Variants in ARHGAP40 observed in about 807,000 individuals in gnomAD.
ARHGAP40 encodes the protein rho GTPase-activating protein 40.
ARHGAP40 carries 43 observed loss-of-function variants against 73.5 expected under a neutral mutation model. The observed-to-expected ratio is 0.58, with a 90% CI of 0.46 to 0.75. ARHGAP40 has a LOEUF of 0.75. Ranked by LOEUF, ARHGAP40 falls within the 30% of genes least tolerant of loss-of-function variation. The pLI is 0.00. For missense variants in ARHGAP40, 734 were observed against 861.8 expected, an observed-to-expected ratio of 0.85 and a Z score of 1.86; for synonymous variants, 300 against 352.8, an observed-to-expected ratio of 0.85 and a Z score of 1.68.
At chr20:38,602,819 A>G (rs998907490) in intron 1 of ARHGAP40, among the ~76,000 whole-genome samples, 1 of 152,216 alleles carries the variant, frequency 6.6e-6, no homozygotes, top group Non-Finnish European at 1.5e-5. Context: ...ACATATTTAC[A>G]TGTCAGTAAC....
chr20:38,636,303 C>CCAG (rs2088975026), intron 6 of ARHGAP40, among the ~76,000 whole-genome samples: 1 of 150,784 alleles, frequency 6.6e-6, no homozygotes, highest in South Asian at 2.1e-4. Flanking sequence ...TCTCTCTTGC[C>CCAG]CAGGCTGGAG....
chr20:38,603,379 A>T (rs545950043), intron 1 of ARHGAP40, among the ~76,000 whole-genome samples: 2 of 152,330 alleles, frequency 1.3e-5, no homozygotes, highest in African/African-American at 4.8e-5. Context: ...AATCAATTTT[A>T]AGAAGCCAAA....
intron 2 of ARHGAP40, among the ~76,000 whole-genome samples, chr20:38,626,768 A>G (rs946729628): frequency 6.6e-6 from 1 of 152,162 alleles, no homozygotes; most frequent in Non-Finnish European, 1.5e-5. Context: ...GTTGACATCC[A>G]TACACTGGCT....
At position 38,646,064 on chromosome 20, in the gene ARHGAP40, C is replaced by T; in HGVS notation, c.1587C>T (p.Val529=). The T allele has an allele frequency of 1.5e-6, 2 of 1,303,878 alleles. No individual in the cohort carries two copies. The highest frequency in any genetic ancestry group is 1.0e-6 in the Non-Finnish European group (1 of 988,618). The allele number at this position is 1,303,878 out of a possible 1,614,324, so 80.8% of individuals were successfully genotyped here. ...CTGGCCAGGTCGCCTCTTTCCTGGT[C>T]GCCCAGGTGCGAAAACTGAACGACA... is the stretch of plus-strand genomic sequence containing the variant. Residue 529 remains valine (V), a synonymous_variant, in exon 12 of 15, where the codon GTC becomes GTT. Transcript: ENST00000373345. The surrounding 1 kb of genome is among the most constrained non-coding windows in gnomAD (Gnocchi z 4.5).
Position 38,602,091 on chromosome 20 carries a change from A to G in ARHGAP40, c.137+12A>G. On this transcript the variant is annotated intron_variant, in intron 1 of 14. Coordinates refer to ENST00000373345, the Ensembl canonical transcript of ARHGAP40. Reference sequence around the variant, plus strand: ...GACCTGGGCTGCAGGTACAGGGGTCACGGGAGCGGGAGGGAAGTTGGCCCT... The same window carrying G: ...GACCTGGGCTGCAGGTACAGGGGTCGCGGGAGCGGGAGGGAAGTTGGCCCT... 7.9e-7 allele frequency: 1 copy of G among 1,273,788 alleles called. No homozygotes were observed. The highest frequency in any genetic ancestry group is 1.0e-6 in the Non-Finnish European group (1 of 979,598). The allele number at this position is 1,273,788 out of a possible 1,614,324, so 78.9% of individuals were successfully genotyped here.
At chr20:38,624,252 A>G (rs1425962281) in intron 2 of ARHGAP40, among the ~76,000 whole-genome samples, 1 of 152,130 alleles carries the variant, frequency 6.6e-6, no homozygotes, top group Non-Finnish European at 1.5e-5. Flanking sequence ...GAATACCTGC[A>G]TGAGGCCTCC....
intron 1 of ARHGAP40, chr20:38,615,324 TA>T (rs1028511773): frequency 6.5e-5 from 50 of 773,800 alleles, no homozygotes; most frequent in African/African-American, 5.3e-4. Context: ...TGTTTCAGGT[TA>T]ATTGCCAGCC....
intron 1 of ARHGAP40, among the ~76,000 whole-genome samples, chr20:38,621,042 C>T (rs967812655): frequency 1.2e-4 from 19 of 152,282 alleles, no homozygotes; most frequent in Admixed American, 9.2e-4. Flanking sequence ...TGTGTGACTG[C>T]ACAGGTCGCA....
chr20:38,629,463 C>T (rs1385026281), intron 4 of ARHGAP40, 39 bp from the exon 5 acceptor site: 1 of 1,304,060 alleles, frequency 7.7e-7, no homozygotes, highest in South Asian at 1.2e-5. Context: ...GCAGCCAGTT[C>T]TCACTGCCTT....
intron 13 of ARHGAP40, among the ~76,000 whole-genome samples, chr20:38,648,428 G>A (rs192616902): frequency 4.6e-5 from 7 of 152,250 alleles, no homozygotes; most frequent in East Asian, 1.9e-4. Flanking sequence ...GCCTCACCAC[G>A]TGCCCTCCAG....
intron 13 of ARHGAP40, among the ~76,000 whole-genome samples, chr20:38,647,424 T>C (rs1383243917): frequency 6.6e-6 from 1 of 152,214 alleles, no homozygotes. Context: ...GGAGTCTAGC[T>C]CTGTCACCCA....
chr20:38,637,871 G>A, intron 7 of ARHGAP40, 72 bp downstream of exon 7: 3 of 1,181,632 alleles, frequency 2.5e-6, no homozygotes, highest in South Asian at 1.3e-5. Context: ...ATTGTCAGGA[G>A]ACATCCAGCA....
At position 38,630,118 on chromosome 20, in the gene ARHGAP40, TCTTTCTTTC is replaced by T. The variant is rs1233949917; in HGVS notation, c.783+478_783+486del. 8.2e-3 allele frequency among the ~76,000 whole-genome samples: 1,184 copies of T among 144,750 alleles called. 15 individuals are homozygous for T. Among genetic ancestry groups the T allele is most frequent in the African/African-American group, 0.029 (1,144 of 39,292 alleles). The allele number at this position is 144,750 out of a possible 152,430, so 95.0% of individuals were successfully genotyped here. ...TCTTTCTTTGTTTTTCTTTTCTTTC[TCTTTCTTTC>T]CTTTCTTTCTCCTCCCTCCTTCCCT... On this transcript the variant is annotated intron_variant, in intron 5 of 14. Coordinates refer to ENST00000373345, the Ensembl canonical transcript of ARHGAP40.
chr20:38,628,982 G>C, exon 4 of ARHGAP40: 1 of 1,304,994 alleles, frequency 7.7e-7, no homozygotes, highest in Non-Finnish European at 1.0e-6. Context: ...CTCAGTTCCG[G>C]GGCCTCTAAG....
intron 9 of ARHGAP40, among the ~76,000 whole-genome samples, chr20:38,640,774 C>A (rs927706347): frequency 2.6e-4 from 40 of 152,160 alleles, no homozygotes; most frequent in Admixed American, 2.6e-3. Context: ...ATGGAACCTC[C>A]CTCCACCCTC....
At chr20:38,643,332 T>C (rs2089030809) in intron 10 of ARHGAP40, among the ~76,000 whole-genome samples, 1 of 152,180 alleles carries the variant, frequency 6.6e-6, no homozygotes, top group South Asian at 2.1e-4. Flanking sequence ...CTCTATTCCT[T>C]CCTTTGCATT....
intron 1 of ARHGAP40, among the ~76,000 whole-genome samples, chr20:38,620,167 A>G (rs762177831): frequency 1.3e-5 from 2 of 152,260 alleles, no homozygotes; most frequent in Non-Finnish European, 2.9e-5. Context: ...GCCACGCTGT[A>G]TACTTAGCAC....
chr20:38,618,642 G>A (rs2088857117), intron 1 of ARHGAP40, among the ~76,000 whole-genome samples: 1 of 152,058 alleles, frequency 6.6e-6, no homozygotes, highest in African/African-American at 2.4e-5. Flanking sequence ...CCACTCATGT[G>A]TCTGACACCT....
intron 1 of ARHGAP40, among the ~76,000 whole-genome samples, chr20:38,612,970 C>T (rs2088812551): frequency 6.6e-6 from 1 of 152,240 alleles, no homozygotes; most frequent in Non-Finnish European, 1.5e-5. Context: ...CAGGGCTGCG[C>T]TGCTGGCTGG....
Sources: gnomAD v4.1 joint callset for allele counts (sites outside exome capture counted in the v4.1 genomes callset) on GRCh38, gnomAD v4.1.1 for gene constraint, Gnocchi (gnomAD v3.1) non-coding constraint, MANE v1.5 for transcripts, NCBI Gene and HGNC (gene_info 2026-07-23, HGNC 2026-07-21) for gene names.